ATL1: variants seen among roughly 807,000 people sequenced by gnomAD.
ATL1 encodes atlastin GTPase 1, also known as atlastin-1.
A neutral mutation model predicts 75.5 loss-of-function variants in ATL1; 31 were observed. That is an observed-to-expected ratio of 0.41 (90% confidence interval 0.31 to 0.55). ATL1 has a LOEUF of 0.55. Among genes scored for constraint, ATL1 ranks in the 20% least tolerant of loss-of-function variants. The pLI, the probability that ATL1 is intolerant of heterozygous loss-of-function variation, is 0.27. For missense variants in ATL1, 405 were observed against 662.6 expected, an observed-to-expected ratio of 0.61 and a Z score of 4.27; for synonymous variants, 226 against 233.3, an observed-to-expected ratio of 0.97 and a Z score of 0.28.
At chr14:50,611,326 G>A (rs942401171) in intron 6 of ATL1, among the ~76,000 whole-genome samples, 3 of 147,754 alleles carry the variant, frequency 2.0e-5, no homozygotes, top group African/African-American at 5.2e-5. Context: ...TGTTATAATA[G>A]GGGAAGTTCA....
At chr14:50,612,238 T>C (rs893658590) in intron 6 of ATL1, among the ~76,000 whole-genome samples, 1 of 152,132 alleles carries the variant, frequency 6.6e-6, no homozygotes, top group East Asian at 1.9e-4. Flanking sequence ...AGGCACGTGG[T>C]TACCCTTGAG....
At position 50,573,114 on chromosome 14, in the gene ATL1, C is replaced by T. The variant is rs116141536; in HGVS notation, c.34+12815C>T. On this transcript the variant is annotated intron_variant, in intron 1 of 13. Coordinates refer to ENST00000358385, the MANE Select transcript of ATL1 (RefSeq NM_015915.5). ...ATGATCTAATCACCTCCCACGAGGTCCTTCCCCCAACATATGGAAATTACA... is the reference window on the plus strand; with the variant it reads ...ATGATCTAATCACCTCCCACGAGGTTCTTCCCCCAACATATGGAAATTACA... Among the ~76,000 whole-genome samples the T allele has an allele frequency of 7.0e-3, 1,073 of 152,294 alleles. 23 individuals carry two copies. Among genetic ancestry groups the T allele is most frequent in the African/African-American group, 0.025 (1,042 of 41,546 alleles).
chr14:50,550,351 G>A (rs1189898819), intron 1 of ATL1, among the ~76,000 whole-genome samples: 1 of 152,204 alleles, frequency 6.6e-6, no homozygotes, highest in East Asian at 1.9e-4. Context: ...ACCCATGAGG[G>A]TCCCTACTGA....
At chr14:50,572,587 A>G (rs749895238) in intron 1 of ATL1, among the ~76,000 whole-genome samples, 45 of 151,400 alleles carry the variant, frequency 3.0e-4, no homozygotes, top group Non-Finnish European at 3.8e-4. Context: ...TTTTCTATTT[A>G]TTTAATTTCT....
intron 1 of ATL1, among the ~76,000 whole-genome samples, chr14:50,568,490 C>G (rs1434701822): frequency 1.3e-5 from 2 of 152,132 alleles, no homozygotes; most frequent in Non-Finnish European, 2.9e-5. Context: ...ATTGCCACCT[C>G]TACTCTCTTT....
At chr14:50,620,470 A>C (rs183066084) in intron 8 of ATL1, 129 bp from the exon 9 acceptor site, 120 of 1,009,272 alleles carry the variant, frequency 1.2e-4, no homozygotes, top group Non-Finnish European at 1.7e-4. Flanking sequence ...AGTCGCTTAA[A>C]TGATGGGGAA....
chr14:50,614,935 T>A (rs2039400917), intron 8 of ATL1, among the ~76,000 whole-genome samples: 1 of 152,230 alleles, frequency 6.6e-6, no homozygotes, highest in South Asian at 2.1e-4. Context: ...AAGAATTTAA[T>A]TATAAATTAT....
chr14:50,599,861 T>C (rs942331552), intron 6 of ATL1, among the ~76,000 whole-genome samples: 1 of 152,080 alleles, frequency 6.6e-6, no homozygotes, highest in African/African-American at 2.4e-5. Context: ...TATGCTGTGA[T>C]GAAGGGGTAT....
chr14:50,581,264 T>C (rs1325568546), intron 1 of ATL1, among the ~76,000 whole-genome samples: 1 of 151,794 alleles, frequency 6.6e-6, no homozygotes, highest in African/African-American at 2.4e-5. Flanking sequence ...TTTATGCATT[T>C]CAAAGTTTAA....
upstream of ATL1, chr14:50,560,131 A>T: frequency 9.6e-7 from 1 of 1,039,916 alleles, no homozygotes; most frequent in Non-Finnish European, 1.5e-6. Context: ...CACCAGCGCC[A>T]CAGCAACATC....
At chr14:50,614,048 C>T (rs928199128) in intron 7 of ATL1, among the ~76,000 whole-genome samples, 5 of 152,034 alleles carry the variant, frequency 3.3e-5, no homozygotes, top group South Asian at 2.1e-4. Flanking sequence ...GTGGCTCCTA[C>T]GAGTGCTTTG....
At chr14:50,563,304 C>T (rs1230997455) in intron 1 of ATL1, among the ~76,000 whole-genome samples, 1 of 151,862 alleles carries the variant, frequency 6.6e-6, no homozygotes, top group Non-Finnish European at 1.5e-5. Flanking sequence ...GGTTTTTTTC[C>T]TAATTTATTT....
At chr14:50,590,397 T>C (rs2039144614) in intron 2 of ATL1, among the ~76,000 whole-genome samples, 1 of 152,202 alleles carries the variant, frequency 6.6e-6, no homozygotes, top group African/African-American at 2.4e-5. Flanking sequence ...AGCCTCTTCC[T>C]GCTACTTGCT....
At chr14:50,585,452 T>C (rs920971214) in intron 1 of ATL1, among the ~76,000 whole-genome samples, 1 of 152,182 alleles carries the variant, frequency 6.6e-6, no homozygotes, top group Non-Finnish European at 1.5e-5. Flanking sequence ...AATTAAATCA[T>C]AGGCAAGGAG....
chr14:50,594,254 G>GGCGAGAACA (rs1049646377), intron 5 of ATL1, among the ~76,000 whole-genome samples: 1 of 152,126 alleles, frequency 6.6e-6, no homozygotes, highest in Non-Finnish European at 1.5e-5. Context: ...CACTCACTAT[G>GGCGAGAACA]GCGAGAACAG....
chr14:50,574,603 G>A (rs1035975187), intron 1 of ATL1, among the ~76,000 whole-genome samples: 10 of 152,138 alleles, frequency 6.6e-5, no homozygotes, highest in African/African-American at 2.4e-4. Flanking sequence ...TGACTACAAA[G>A]GCATATGTAT....
At chr14:50,552,944 G>A (rs1336179669) in intron 1 of ATL1, among the ~76,000 whole-genome samples, 1 of 151,984 alleles carries the variant, frequency 6.6e-6, no homozygotes, top group South Asian at 2.1e-4. Context: ...TATAGACATG[G>A]GCTTAGGCAA....
chr14:50,614,375 C>CT lies in ATL1; in HGVS notation c.727dup (p.Ser243PhefsTer6). On this transcript the variant is annotated frameshift_variant, in exon 8 of 14. Coordinates refer to ENST00000358385, the MANE Select transcript of ATL1 (RefSeq NM_015915.5). LOFTEE classifies it high-confidence loss of function. The stretch of plus-strand genomic sequence containing the variant: ...AACTTCAGAATGATTTACTGCAGGT[C>CT]TCAGGGAACCAGCATGAAGAACTAC... 6.2e-7 allele frequency: 1 copy of CT among 1,613,884 alleles called. No homozygotes were observed. The highest frequency in any genetic ancestry group is 2.2e-5 in the East Asian group (1 of 44,860).
Position 50,588,093 on chromosome 14 carries a change from C to A in ATL1, c.282+15C>A. ...TGTACAACCAGGTATGCAGGAAGTACTTTAAAAAGTTTTCTTTCTTCTGTG... is the reference window on the plus strand; with the variant it reads ...TGTACAACCAGGTATGCAGGAAGTAATTTAAAAAGTTTTCTTTCTTCTGTG... On this transcript the variant is annotated intron_variant, in intron 2 of 13. Transcript: ENST00000358385. 1 of 1,613,968 alleles carries A rather than the reference C, an allele frequency of 6.2e-7. No homozygotes were observed. Among genetic ancestry groups the A allele is most frequent in the Non-Finnish European group, 8.5e-7 (1 of 1,179,956 alleles).
Sources: allele counts gnomAD v4.1 joint callset (sites outside exome capture counted in the v4.1 genomes callset), GRCh38; gene constraint gnomAD v4.1.1; transcripts MANE v1.5; gene names NCBI Gene and HGNC (gene_info 2026-07-23, HGNC 2026-07-21).